The following ZNF611 variants were observed in gnomAD, a reference collection of about 807,000 sequenced individuals.
ZNF611 encodes the protein zinc finger protein 611.
A neutral mutation model predicts 8.9 loss-of-function variants in ZNF611; 6 were observed. That is an observed-to-expected ratio of 0.68 (90% CI 0.37 to 1.34). The LOEUF is 1.34. Among genes scored for constraint, ZNF611 ranks in the 40% most tolerant of loss-of-function variants. The pLI is 0.02. For missense variants in ZNF611, 874 were observed against 841.3 expected (o/e 1.04, Z -0.48); for synonymous variants, 262 against 279.7 (o/e 0.94, Z 0.63).
Position 52,704,837 on chromosome 19 carries a change from T to C in ZNF611, c.*100A>G, listed in dbSNP as rs1398501515. 5.0e-6 allele frequency: 8 copies of C among 1,606,306 alleles called. No homozygotes were observed. The highest frequency in any genetic ancestry group is 6.8e-6 in the Non-Finnish European group (8 of 1,174,530). On this transcript the variant is annotated 3_prime_UTR_variant, in exon 6 of 6. Coordinates refer to ENST00000652185, the MANE Select transcript of ZNF611 (RefSeq NM_001161499.2). ...AGGTGTGAATCACTCCCAAGTCTTGTCAGAAACCTTACATTTGTAAGCTTT... is the reference window on the plus strand; with the variant it reads ...AGGTGTGAATCACTCCCAAGTCTTGCCAGAAACCTTACATTTGTAAGCTTT...
chr19:52,719,948 A>G (rs562174248), intron 3 of ZNF611, among the ~76,000 whole-genome samples: 3 of 152,282 alleles, frequency 2.0e-5, no homozygotes, highest in Admixed American at 2.0e-4. Flanking sequence ...TGGGTACTTG[A>G]GATTAGGGAG....
At position 52,706,359 on chromosome 19, in the gene ZNF611, T is replaced by C. The variant is rs753909046; in HGVS notation, c.696A>G (p.Gln232=). 3 of 1,614,208 alleles carry C rather than the reference T, an allele frequency of 1.9e-6. No individual in the cohort carries two copies. The highest frequency in any genetic ancestry group is 1.6e-4 in the Middle Eastern group (1 of 6,062). Residue 232 remains glutamine (Q), a synonymous_variant, in exon 6 of 6, where the codon CAA becomes CAG. Transcript: ENST00000652185. ...TAAAGGCTTTGCCACTCTTATTACA[T>C]TGGAAAGATTTTTCTCTCATGTGTA... ...QEVHMREKSF[Q]CNKSGKAFNC...
chr19:52,705,821 G>A lies in ZNF611; in HGVS notation c.1234C>T (p.Gln412Ter). ...VCDTAFTWHS[Q>*]LARHRRIHTA... ...TGAATTCTTCTATGTCGAGCCAGCT[G>A]TGAATGCCACGTGAAAGCTGTGTCA... The change falls in exon 6 of 6, where the codon CAG becomes TAG. Residue 412 changes from glutamine (Q) to a stop codon, truncating the protein, a stop_gained. Coordinates refer to ENST00000652185, the MANE Select transcript of ZNF611 (RefSeq NM_001161499.2). LOFTEE classifies it low-confidence loss of function (END_TRUNC). The A allele has an allele frequency of 6.2e-7, 1 of 1,613,398 alleles. No individual in the cohort carries two copies. The highest frequency in any genetic ancestry group is 8.5e-7 in the Non-Finnish European group (1 of 1,179,848).
Position 52,706,563 on chromosome 19 carries a change from C to A in ZNF611, c.492G>T (p.Leu164=). 4 of 1,614,160 alleles carry A rather than the reference C, an allele frequency of 2.5e-6. No individual in the cohort carries two copies. The highest frequency in any genetic ancestry group is 3.4e-6 in the Non-Finnish European group (4 of 1,180,028). ...TGATCTGAAATATGTGGAGTTCAGGCAGATGTGAATAAAAGCTTGATCCAA... is the reference window on the plus strand; with the variant it reads ...TGATCTGAAATATGTGGAGTTCAGGAAGATGTGAATAAAAGCTTGATCCAA... ...DQLGSSFYSH[L]PELHIFQIKG... is the part of the protein sequence containing the mutation. Residue 164 remains leucine (L), a synonymous_variant, in exon 6 of 6, where the codon CTG becomes CTT. Coordinates refer to ENST00000652185, the MANE Select transcript of ZNF611 (RefSeq NM_001161499.2).
At chr19:52,717,778 G>T in intron 3 of ZNF611, 1 of 776,908 alleles carries the variant, frequency 1.3e-6, no homozygotes, top group South Asian at 5.8e-5. Context: ...ATGATATGAG[G>T]AAAGAAAATG....
In ZNF611 at chr19:52,706,034, T is replaced by C; in HGVS notation, c.1021A>G (p.Asn341Asp). 6.2e-7 allele frequency: 1 copy of C among 1,614,128 alleles called. No individual in the cohort carries two copies. Among genetic ancestry groups the C allele is most frequent in the Middle Eastern group, 1.6e-4 (1 of 6,062 alleles). The change falls in exon 6 of 6, where the codon AAT becomes GAT. Residue 341 changes from asparagine (N) to aspartate (D), a missense_variant. Asn to Asp is a conservative substitution (Grantham distance 23). Coordinates refer to ENST00000652185, the MANE Select transcript of ZNF611 (RefSeq NM_001161499.2). ...TCACATTCATTACACTTGTAAGGAT[T>C]TTCTCCAGTATCAATTGCCTTATCA... is the stretch of plus-strand genomic sequence containing the variant. Reference protein sequence around the residue: ...LIDKAIDTGENPYKCNECDKA... With the variant: ...LIDKAIDTGEDPYKCNECDKA...
At chr19:52,726,631 G>A (rs989127099) in intron 3 of ZNF611, among the ~76,000 whole-genome samples, 2 of 151,694 alleles carry the variant, frequency 1.3e-5, no homozygotes, top group African/African-American at 2.4e-5. Flanking sequence ...TGTTAGCCAG[G>A]ATGGTCTCGA....
intron 3 of ZNF611, among the ~76,000 whole-genome samples, chr19:52,726,233 G>A (rs1456812265): frequency 6.6e-6 from 1 of 152,104 alleles, no homozygotes; most frequent in Non-Finnish European, 1.5e-5. Flanking sequence ...GTCACCACCT[G>A]CTGCCTAAAC....
intron 5 of ZNF611, among the ~76,000 whole-genome samples, chr19:52,712,456 TAAAAAAAAAA>T (rs55649603): frequency 8.0e-5 from 3 of 37,466 alleles, no homozygotes; most frequent in East Asian, 1.2e-3. Flanking sequence ...CTGTCTCTAC[TAAAAAAAAAA>T]AAAAAAAAAA....
At chr19:52,729,002 CAT>C (rs2062408572) in intron 2 of ZNF611, 171 bp from the exon 3 acceptor site, 1 of 152,424 alleles carries the variant, frequency 6.6e-6, no homozygotes, top group Admixed American at 6.6e-5. Context: ...AGGGAGATTA[CAT>C]GTCCTTCAAA....
intron 3 of ZNF611, among the ~76,000 whole-genome samples, chr19:52,728,355 A>G (rs1291936168): frequency 1.3e-5 from 2 of 152,164 alleles, no homozygotes; most frequent in Non-Finnish European, 2.9e-5. Flanking sequence ...CCTGGCCAAC[A>G]TGGTGAAACC....
At chr19:52,715,531 G>A (rs1347523327) in intron 4 of ZNF611, among the ~76,000 whole-genome samples, 4 of 152,136 alleles carry the variant, frequency 2.6e-5, no homozygotes, top group African/African-American at 4.8e-5. Context: ...GATGTGGCCC[G>A]TGAACAACCC....
At chr19:52,722,591 C>T (rs1326418994) in intron 3 of ZNF611, among the ~76,000 whole-genome samples, 1 of 152,124 alleles carries the variant, frequency 6.6e-6, no homozygotes, top group South Asian at 2.1e-4. Context: ...ATAGAATGTA[C>T]ATGACTCACA....
chr19:52,703,636 G>A lies in ZNF611; in HGVS notation c.*1301C>T, dbSNP rs943204722. ...AGATAGACTCTCACTCTGTCGCCCA[G>A]GCTGGAGCCCAGTGGTGCGATCTCG... On this transcript the variant is annotated 3_prime_UTR_variant, in exon 6 of 6. Coordinates refer to ENST00000652185, the MANE Select transcript of ZNF611 (RefSeq NM_001161499.2). The A allele has an allele frequency of 7.4e-6, 1 of 135,558 alleles. No homozygotes were observed. Among genetic ancestry groups the A allele is most frequent in the Non-Finnish European group, 1.5e-5 (1 of 65,680 alleles). The allele number at this position is 135,558 out of a possible 1,614,324, so 8.4% of individuals were successfully genotyped here.
rs1029595988 is a variant in ZNF611, at chr19:52,706,479, T to G, written c.576A>C (p.Thr192=). 17 of 1,614,102 alleles carry G rather than the reference T, an allele frequency of 1.1e-5. No homozygotes were observed. The Middle Eastern group carries it at 8.2e-4, about 78-fold the overall frequency. The change falls in exon 6 of 6, where the codon ACA becomes ACC. Residue 192 remains threonine, a synonymous_variant. Coordinates refer to ENST00000652185, the MANE Select transcript of ZNF611 (RefSeq NM_001161499.2). ...GGGGCCTACAGGAAATTCTTTGGAATGTTGAAACTGAGGGAGCATCATTAG... is the reference window on the plus strand; with the variant it reads ...GGGGCCTACAGGAAATTCTTTGGAAGGTTGAAACTGAGGGAGCATCATTAG... ...KSTNDAPSVS[T]FQRISCRPQT...
At chr19:52,709,544 ACAGG>A (rs2062266498) in intron 5 of ZNF611, among the ~76,000 whole-genome samples, 1 of 151,102 alleles carries the variant, frequency 6.6e-6, no homozygotes, top group African/African-American at 2.4e-5. Context: ...TGCTGGGATT[ACAGG>A]CGTGAGCCAC....
intron 5 of ZNF611, among the ~76,000 whole-genome samples, chr19:52,713,322 T>C (rs189691289): frequency 6.6e-6 from 1 of 152,174 alleles, no homozygotes; most frequent in Non-Finnish European, 1.5e-5. Flanking sequence ...CTCAATAAGA[T>C]TGATGAAAAC....
intron 3 of ZNF611, among the ~76,000 whole-genome samples, chr19:52,726,470 G>C (rs1337842324): frequency 6.6e-6 from 1 of 152,040 alleles, no homozygotes; most frequent in African/African-American, 2.4e-5. Context: ...ACCCAGGCTG[G>C]AGTGCAGTGG....
chr19:52,714,435 C>A (rs957052123), intron 4 of ZNF611, among the ~76,000 whole-genome samples: 5 of 151,870 alleles, frequency 3.3e-5, no homozygotes, highest in Non-Finnish European at 5.9e-5. Context: ...CGCTTGTAAT[C>A]CCAACACTTC....
Sources: allele counts gnomAD v4.1 joint callset (sites outside exome capture counted in the v4.1 genomes callset), GRCh38; gene constraint gnomAD v4.1.1; transcripts MANE v1.5; gene names NCBI Gene and HGNC (gene_info 2026-07-23, HGNC 2026-07-21).